The following KLHL6 variants were observed in gnomAD, a reference collection of about 807,000 sequenced individuals.
KLHL6 encodes kelch-like protein 6.
In KLHL6, 41 loss-of-function variants were observed where a neutral mutation model predicts 58.6. That is an observed-to-expected ratio of 0.70 (90% CI 0.55 to 0.91). The LOEUF (loss-of-function observed/expected upper bound fraction) is 0.91. KLHL6 is among the 40% of genes least tolerant of loss of function. KLHL6 has a pLI of 0.00. For synonymous variants in KLHL6, 338 were observed against 322.7 expected, an observed-to-expected ratio of 1.05 and a Z score of -0.51; for missense variants, 714 against 805.6, an observed-to-expected ratio of 0.89 and a Z score of 1.38.
intron 1 of KLHL6, among the ~76,000 whole-genome samples, chr3:183,537,935 A>G (rs925918597): frequency 2.0e-5 from 3 of 152,104 alleles, no homozygotes; most frequent in African/African-American, 7.2e-5. Flanking sequence ...TCAGCACTGT[A>G]TCTAGGGGCC....
intron 4 of KLHL6, among the ~76,000 whole-genome samples, chr3:183,495,507 A>G (rs187930448): frequency 6.6e-6 from 1 of 152,190 alleles, no homozygotes; most frequent in East Asian, 1.9e-4. Flanking sequence ...AGCATCAAAA[A>G]GTATAAAATA....
rs149326068 is a variant in KLHL6 at position 183,499,621 on chromosome 3, G to A, written c.1116C>T (p.Cys372=). Residue 372 remains cysteine, a synonymous_variant, in exon 4 of 7, where the codon TGC becomes TGT. Transcript: ENST00000341319. This position sits in a 1 kb window ranked among gnomAD's most constrained non-coding sequence, Gnocchi z 4.6. ...SENKKWVEFA[C]VTLKNEVYIS... ...TGTAGACCTCATTTTTCAATGTCAC[G>A]CATGCAAACTCCACCCACTTCTTAT... 1.1e-4 allele frequency: 170 copies of A among 1,602,252 alleles called. No individual in the cohort carries two copies. Among genetic ancestry groups the A allele is most frequent in the Non-Finnish European group, 1.0e-4 (120 of 1,174,288 alleles).
At chr3:183,550,813 G>A (rs1449037543) in intron 1 of KLHL6, among the ~76,000 whole-genome samples, 4 of 150,720 alleles carry the variant, frequency 2.7e-5, no homozygotes, top group Non-Finnish European at 4.4e-5. Flanking sequence ...AAATATATGC[G>A]AGGCCTTAAA....
Position 183,491,461 on chromosome 3 carries a change from T to C in KLHL6, c.*466A>G, listed in dbSNP as rs1476795607. 1 of 154,334 alleles carries C rather than the reference T, an allele frequency of 6.5e-6. No individual in the cohort carries two copies. The highest frequency in any genetic ancestry group is 1.4e-5 in the Non-Finnish European group (1 of 69,570). 9.6% of individuals were successfully genotyped at this position (154,334 alleles called of 1,614,324 possible). On this transcript the variant is annotated 3_prime_UTR_variant, in exon 7 of 7. Coordinates refer to ENST00000341319, the MANE Select transcript of KLHL6 (RefSeq NM_130446.4). ...TTTGTTTGTTTTTCCTGCTCTGAGATAGGCAGCATGGTGGAAAGAGCATTG... is the reference window on the plus strand; with the variant it reads ...TTTGTTTGTTTTTCCTGCTCTGAGACAGGCAGCATGGTGGAAAGAGCATTG...
chr3:183,547,977 C>T (rs1441931848), intron 1 of KLHL6, among the ~76,000 whole-genome samples: 1 of 152,142 alleles, frequency 6.6e-6, no homozygotes, highest in African/African-American at 2.4e-5. Context: ...AAAATCAGAG[C>T]CTCCTTGTGC....
intron 1 of KLHL6, among the ~76,000 whole-genome samples, chr3:183,538,948 C>A (rs1192638492): frequency 6.6e-6 from 1 of 152,218 alleles, no homozygotes; most frequent in African/African-American, 2.4e-5. Context: ...CCTGAACCAG[C>A]TGCATCAGAA....
chr3:183,528,840 A>G (rs564148341), intron 1 of KLHL6, among the ~76,000 whole-genome samples: 2 of 152,344 alleles, frequency 1.3e-5, no homozygotes, highest in South Asian at 4.1e-4. Context: ...TACCATACAC[A>G]TGCACGTGTA....
chr3:183,544,104 C>T (rs1174393350), intron 1 of KLHL6, among the ~76,000 whole-genome samples: 1 of 143,394 alleles, frequency 7.0e-6, no homozygotes, highest in Non-Finnish European at 1.5e-5. Context: ...TAGAGTTTGC[C>T]GTGAGCTGAG....
chr3:183,528,907 C>T (rs1164080701), intron 1 of KLHL6, among the ~76,000 whole-genome samples: 3 of 152,106 alleles, frequency 2.0e-5, no homozygotes, highest in South Asian at 2.1e-4. Flanking sequence ...CAAATGCCCA[C>T]CAGTGATAGA....
At chr3:183,506,410 T>G (rs1718003788) in intron 3 of KLHL6, among the ~76,000 whole-genome samples, 1 of 152,208 alleles carries the variant, frequency 6.6e-6, no homozygotes, top group African/African-American at 2.4e-5. Flanking sequence ...AGATGTAAAG[T>G]GCAATAAGAC....
intron 1 of KLHL6, among the ~76,000 whole-genome samples, chr3:183,546,077 A>T (rs1329717277): frequency 2.6e-5 from 4 of 152,146 alleles, no homozygotes; most frequent in Non-Finnish European, 5.9e-5. Context: ...TGCATTTTCA[A>T]CCTGCTTTTA....
At chr3:183,516,391 T>C (rs1317047995) in intron 2 of KLHL6, among the ~76,000 whole-genome samples, 1 of 152,236 alleles carries the variant, frequency 6.6e-6, no homozygotes, top group Admixed American at 6.5e-5. Flanking sequence ...CGATGACACA[T>C]GAACTTGTTT....
In KLHL6 at chr3:183,492,163, G is replaced by C. The variant is rs1717579788; in HGVS notation, c.1630C>G (p.Leu544Val). 6 of 1,613,230 alleles carry C rather than the reference G, an allele frequency of 3.7e-6. No individual in the cohort carries two copies. Among genetic ancestry groups the C allele is most frequent in the Non-Finnish European group, 5.1e-6 (6 of 1,179,934 alleles). Reference sequence around the variant, plus strand: ...CCGCAGCTGGCCCGCTCGTGGCTGAGCTGGGTCACCAGGCACCAGCTGTCT... The same window carrying C: ...CCGCAGCTGGCCCGCTCGTGGCTGACCTGGGTCACCAGGCACCAGCTGTCT... ...LEDSWCLVTQ[L>V]SHERASCGIA... Residue 544 changes from leucine to valine, a missense_variant, in exon 7 of 7, where the codon CTC becomes GTC. Coordinates refer to ENST00000341319, the MANE Select transcript of KLHL6 (RefSeq NM_130446.4). The surrounding 1 kb of genome is among the most constrained non-coding windows in gnomAD (Gnocchi z 5.9).
chr3:183,539,168 A>G (rs1487831497), intron 1 of KLHL6, among the ~76,000 whole-genome samples: 1 of 152,212 alleles, frequency 6.6e-6, no homozygotes, highest in Non-Finnish European at 1.5e-5. Flanking sequence ...CTGAATGAAG[A>G]TCAAGGTCAT....
At chr3:183,548,739 T>C (rs936310115) in intron 1 of KLHL6, 20 of 152,194 alleles carry the variant, frequency 1.3e-4, no homozygotes, top group Non-Finnish European at 2.8e-4. Flanking sequence ...TGGGGTAAGA[T>C]GTCAGAAAAG....
At chr3:183,547,022 C>T (rs1356459336) in intron 1 of KLHL6, among the ~76,000 whole-genome samples, 5 of 152,020 alleles carry the variant, frequency 3.3e-5, no homozygotes, top group African/African-American at 1.2e-4. Context: ...ATCGATTCTC[C>T]GGCCTCAGCC....
At chr3:183,524,146 TCTC>T (rs377121715) in intron 2 of KLHL6, among the ~76,000 whole-genome samples, 1 of 152,226 alleles carries the variant, frequency 6.6e-6, no homozygotes, top group African/African-American at 2.4e-5. Context: ...GAGAAATCAT[TCTC>T]CTTCAAGATG....
intron 1 of KLHL6, among the ~76,000 whole-genome samples, chr3:183,549,608 A>G (rs1308271276): frequency 6.6e-6 from 1 of 152,166 alleles, no homozygotes; most frequent in Non-Finnish European, 1.5e-5. Context: ...TCCCAGATTC[A>G]AGCAATTCTC....
At chr3:183,530,729 A>G (rs1473547390) in intron 1 of KLHL6, among the ~76,000 whole-genome samples, 2 of 152,164 alleles carry the variant, frequency 1.3e-5, no homozygotes, top group Non-Finnish European at 2.9e-5. Context: ...AAACACTGCC[A>G]GTTTGAACTG....
Sources: gnomAD v4.1 joint callset for allele counts (sites outside exome capture counted in the v4.1 genomes callset) on GRCh38, gnomAD v4.1.1 for gene constraint, Gnocchi (gnomAD v3.1) non-coding constraint, MANE v1.5 for transcripts, NCBI Gene and HGNC (gene_info 2026-07-23, HGNC 2026-07-21) for gene names.